Variants in SCFD2 observed in about 807,000 individuals in gnomAD.
The protein encoded by SCFD2 is sec1 family domain containing 2.
SCFD2 carries 54 observed loss-of-function variants against 58.9 expected under a neutral mutation model. That is an observed-to-expected ratio of 0.92 (90% confidence interval 0.74 to 1.15). The LOEUF is 1.15. Ranked by LOEUF, SCFD2 falls within the 50% of genes most tolerant of loss-of-function variation. The pLI, the probability that SCFD2 is intolerant of heterozygous loss-of-function variation, is 0.00. For missense variants in SCFD2, 805 were observed against 836.6 expected (o/e 0.96, Z 0.47); for synonymous variants, 321 against 335.9 (o/e 0.96, Z 0.49).
chr4:53,129,508 C>G (rs1189563401), intron 5 of SCFD2, among the ~76,000 whole-genome samples: 2 of 152,174 alleles, frequency 1.3e-5, no homozygotes, highest in Admixed American at 1.3e-4. Context: ...TGTTAATCTT[C>G]CATTCTCACA....
At chr4:53,268,250 A>T (rs1042581503) in intron 4 of SCFD2, among the ~76,000 whole-genome samples, 10 of 152,068 alleles carry the variant, frequency 6.6e-5, no homozygotes, top group African/African-American at 2.4e-4. Flanking sequence ...ACCCAAGGGG[A>T]TGGAAAGGGC....
At chr4:53,024,401 A>C (rs971691453) in intron 5 of SCFD2, among the ~76,000 whole-genome samples, 1 of 152,222 alleles carries the variant, frequency 6.6e-6, no homozygotes, top group Non-Finnish European at 1.5e-5. Context: ...TGGCATAATC[A>C]ACTTGGAGGA....
chr4:52,880,311 G>C (rs1393836954), intron 8 of SCFD2, among the ~76,000 whole-genome samples: 1 of 149,712 alleles, frequency 6.7e-6, no homozygotes, highest in Non-Finnish European at 1.5e-5. Context: ...TAATTATTGT[G>C]TCTTCACTAA....
rs1420213265 is a variant in SCFD2, at chr4:53,067,574, G to A, written c.1561+77759C>T. Among the ~76,000 whole-genome samples the A allele has an allele frequency of 2.0e-5, 3 of 151,958 alleles. No homozygotes were observed. The East Asian group carries it at 5.8e-4, about 29-fold the overall frequency. On this transcript the variant is annotated intron_variant, in intron 5 of 8. Coordinates refer to ENST00000401642, the MANE Select transcript of SCFD2 (RefSeq NM_152540.4). ...CCCATGTTGTTCTTGTGGATAGTGA[G>A]TAATTTCTCATGATATCTGATGGTT...
chr4:52,909,004 C>T (rs992628114), intron 6 of SCFD2, among the ~76,000 whole-genome samples: 19 of 152,064 alleles, frequency 1.2e-4, no homozygotes, highest in African/African-American at 4.6e-4. Context: ...AAAGCTATGC[C>T]AAGATGGAAT....
intron 4 of SCFD2, among the ~76,000 whole-genome samples, chr4:53,216,852 G>T (rs555126059): frequency 1.1e-4 from 17 of 152,228 alleles, no homozygotes; most frequent in South Asian, 2.1e-4. Context: ...TTGTGTCTTT[G>T]TTCTCATTGG....
intron 5 of SCFD2, among the ~76,000 whole-genome samples, chr4:52,934,511 G>A (rs539234018): frequency 5.3e-5 from 8 of 152,190 alleles, no homozygotes; most frequent in Non-Finnish European, 1.2e-4. Flanking sequence ...GAGGCAGGCT[G>A]TGGCTGTCTG....
At chr4:53,257,891 T>TA (rs1268094608) in intron 4 of SCFD2, among the ~76,000 whole-genome samples, 30 of 151,698 alleles carry the variant, frequency 2.0e-4, no homozygotes, top group African/African-American at 5.8e-4. Flanking sequence ...ACCTCATATT[T>TA]AAAAAAAATA....
intron 3 of SCFD2, among the ~76,000 whole-genome samples, chr4:53,288,327 A>G (rs999844427): frequency 6.6e-6 from 1 of 152,194 alleles, no homozygotes; most frequent in African/African-American, 2.4e-5. Flanking sequence ...AAGGCATAGA[A>G]GCTTATTTGA....
intron 5 of SCFD2, among the ~76,000 whole-genome samples, chr4:52,999,731 T>C (rs1163512167): frequency 6.6e-6 from 1 of 152,228 alleles, no homozygotes. Flanking sequence ...TCTATAATGT[T>C]GTTTTTGGGT....
At chr4:53,255,918 G>A (rs547602551) in intron 4 of SCFD2, among the ~76,000 whole-genome samples, 9 of 150,544 alleles carry the variant, frequency 6.0e-5, no homozygotes, top group African/African-American at 1.2e-4. Context: ...AGGGGCGGCC[G>A]GGCAGAGGCG....
rs113431557 is a variant in SCFD2 at position 53,217,864 on chromosome 4, C to T, written c.1311+55962G>A. Among the ~76,000 whole-genome samples the T allele has an allele frequency of 2.6e-5, 4 of 152,250 alleles. 1 individual carries two copies. Among genetic ancestry groups the T allele is most frequent in the South Asian group, 2.1e-4 (1 of 4,824 alleles). ...TGGTGACAAAATCTCTCAGCATTTG[C>T]TTGTCTGTAAAGGATTTTATTTCTC... is the stretch of plus-strand genomic sequence containing the variant. On this transcript the variant is annotated intron_variant, in intron 4 of 8. Transcript: ENST00000401642.
intron 7 of SCFD2, among the ~76,000 whole-genome samples, chr4:52,903,385 G>C (rs1039719338): frequency 6.6e-6 from 1 of 152,140 alleles, no homozygotes; most frequent in Non-Finnish European, 1.5e-5. Context: ...CCTCCTTTGA[G>C]GGTCACTGGA....
At chr4:53,052,594 A>G (rs1723215183) in intron 5 of SCFD2, among the ~76,000 whole-genome samples, 3 of 152,168 alleles carry the variant, frequency 2.0e-5, no homozygotes, top group Admixed American at 6.5e-5. Flanking sequence ...CTACTGACAG[A>G]TCCTTGATCC....
At chr4:53,266,553 T>C (rs9990771) in intron 4 of SCFD2, among the ~76,000 whole-genome samples, 86,718 of 152,022 alleles carry the variant, frequency 0.57, 25,056 homozygotes, top group Middle Eastern at 0.66. Flanking sequence ...TCTCTTGCTA[T>C]ACTACAAGAA....
intron 4 of SCFD2, among the ~76,000 whole-genome samples, chr4:53,221,538 C>T (rs937427563): frequency 2.0e-5 from 3 of 152,258 alleles, no homozygotes; most frequent in Admixed American, 1.3e-4. Flanking sequence ...GGAATGATGC[C>T]TCCCCATCTG....
At chr4:53,029,304 G>A (rs527682415) in intron 5 of SCFD2, among the ~76,000 whole-genome samples, 3 of 152,120 alleles carry the variant, frequency 2.0e-5, no homozygotes, top group African/African-American at 7.2e-5. Flanking sequence ...CTTCTACCCC[G>A]TCCAACCCTG....
At chr4:52,969,860 T>TTA (rs1241219748) in intron 5 of SCFD2, among the ~76,000 whole-genome samples, 1 of 152,208 alleles carries the variant, frequency 6.6e-6, no homozygotes, top group Admixed American at 6.5e-5. Flanking sequence ...GCAAGGACCA[T>TTA]TATGGAAAAC....
intron 5 of SCFD2, among the ~76,000 whole-genome samples, chr4:53,098,514 T>C (rs1360098602): frequency 5.9e-5 from 9 of 152,202 alleles, no homozygotes; most frequent in Non-Finnish European, 1.3e-4. Context: ...GAGGTGTTTA[T>C]AGTATTCTCT....
Sources: gnomAD v4.1 joint callset for allele counts (sites outside exome capture counted in the v4.1 genomes callset) on GRCh38, gnomAD v4.1.1 for gene constraint, MANE v1.5 for transcripts, NCBI Gene and HGNC (gene_info 2026-07-23, HGNC 2026-07-21) for gene names.